Variants in GREM1 observed in about 807,000 individuals in gnomAD.
GREM1 encodes gremlin 1, DAN family BMP antagonist, also known as gremlin-1.
GREM1 carries 6 observed loss-of-function variants against 13.1 expected under a neutral mutation model. The ratio of observed to expected loss-of-function variants is 0.46; its 90% CI spans 0.25 to 0.91. GREM1 has a LOEUF of 0.91. Among genes scored for constraint, GREM1 ranks in the 40% least tolerant of loss-of-function variants. GREM1 has a pLI of 0.18. For synonymous variants in GREM1, 98 were observed against 93.7 expected, an observed-to-expected ratio of 1.05 and a Z score of -0.27; for missense variants, 185 against 233.9, an observed-to-expected ratio of 0.79 and a Z score of 1.36.
Position 32,733,887 on chromosome 15 carries a change from A to C in GREM1, c.*2642A>C, listed in dbSNP as rs1160918480. The C allele has an allele frequency of 2.1e-5, 5 of 239,980 alleles. No homozygotes were observed. Among genetic ancestry groups the C allele is most frequent in the Admixed American group, 1.7e-4 (3 of 17,498 alleles). The allele number at this position is 239,980 out of a possible 1,614,324, so 14.9% of individuals were successfully genotyped here. A position where few individuals can be genotyped will look rare whatever the true frequency, so the allele number is the denominator to read the frequency against. ...GGAAGTCTGTAAGTTGTTTTTTGTT[A>C]CTGTAGGTCTTCAAAGTTAAGAGTG... is the stretch of plus-strand genomic sequence containing the variant. On this transcript the variant is annotated 3_prime_UTR_variant, in exon 2 of 2. Coordinates refer to ENST00000651154, the MANE Select transcript of GREM1 (RefSeq NM_013372.7).
rs1025610806 is a variant in GREM1, at chr15:32,736,202, T to C, written c.*4957T>C. 1 of 152,200 alleles carries C rather than the reference T, an allele frequency of 6.6e-6. No individual in the cohort carries two copies. The highest frequency in any genetic ancestry group is 6.5e-5 in the Admixed American group (1 of 15,272). The allele number at this position is 152,200 out of a possible 1,614,324, so 9.4% of individuals were successfully genotyped here. A position where few individuals can be genotyped will look rare whatever the true frequency, so the allele number is the denominator to read the frequency against. On this transcript the variant is annotated 3_prime_UTR_variant, in exon 2 of 2. Transcript: ENST00000651154. Reference sequence around the variant, plus strand: ...CTTGCAAGGCTATATTTGACCTGACTGGAAGCTTCCCAGGGTAAAAAACTT... The same window carrying C: ...CTTGCAAGGCTATATTTGACCTGACCGGAAGCTTCCCAGGGTAAAAAACTT...
chr15:32,726,106 T>A (rs950790335), intron 1 of GREM1, among the ~76,000 whole-genome samples: 1 of 152,184 alleles, frequency 6.6e-6, no homozygotes, highest in Non-Finnish European at 1.5e-5. Context: ...TTGTCTTGGC[T>A]ATATGGGCTC....
chr15:32,721,706 A>G (rs1377857911), intron 1 of GREM1, among the ~76,000 whole-genome samples: 2 of 152,118 alleles, frequency 1.3e-5, no homozygotes, highest in Non-Finnish European at 1.5e-5. Flanking sequence ...GTGAGCTGAT[A>G]TCGTGCCAGT....
intron 1 of GREM1, among the ~76,000 whole-genome samples, chr15:32,728,521 A>T (rs1169104792): frequency 7.5e-6 from 1 of 132,848 alleles, no homozygotes; most frequent in Admixed American, 7.6e-5. Context: ...TAATTATTTT[A>T]ATTTGACATT....
intron 1 of GREM1, among the ~76,000 whole-genome samples, chr15:32,726,852 A>G (rs888072255): frequency 6.6e-6 from 1 of 152,178 alleles, no homozygotes; most frequent in East Asian, 1.9e-4. Flanking sequence ...CAGAAATACA[A>G]ACTACCATCA....
intron 1 of GREM1, among the ~76,000 whole-genome samples, chr15:32,719,665 C>A (rs1056411366): frequency 5.3e-5 from 8 of 152,114 alleles, no homozygotes; most frequent in Admixed American, 3.9e-4. Context: ...GGTGCCAGGA[C>A]ACGAACTGAT....
chr15:32,718,291 G>A (rs1443174709), intron 1 of GREM1, 130 bp downstream of exon 1: 1 of 687,578 alleles, frequency 1.5e-6, no homozygotes, highest in Non-Finnish European at 2.4e-6. Flanking sequence ...TTGTTCGCGG[G>A]GGTGAATTGT....
At position 32,741,733 on chromosome 15, in the gene GREM1, A is replaced by T. The variant is rs1281047921; in HGVS notation, c.*10488A>T. On this transcript the variant is annotated 3_prime_UTR_variant, in exon 2 of 2. Transcript: ENST00000651154. Reference sequence around the variant, plus strand: ...TTGAATAGAAGTGATGAGAGTGGGCATGTATGCCTTGTTTCTGGTCTTAAA... The same window carrying T: ...TTGAATAGAAGTGATGAGAGTGGGCTTGTATGCCTTGTTTCTGGTCTTAAA... The T allele has an allele frequency of 6.6e-6, 1 of 152,202 alleles. No individual in the cohort carries two copies. The highest frequency in any genetic ancestry group is 2.4e-5 in the African/African-American group (1 of 41,462). 9.4% of individuals were successfully genotyped at this position (152,202 alleles called of 1,614,324 possible). A position where few individuals can be genotyped will look rare whatever the true frequency, so the allele number is the denominator to read the frequency against.
At chr15:32,728,009 T>A (rs1411486488) in intron 1 of GREM1, among the ~76,000 whole-genome samples, 1 of 152,148 alleles carries the variant, frequency 6.6e-6, no homozygotes, top group Non-Finnish European at 1.5e-5. Flanking sequence ...TGGAAAAACA[T>A]TCCATGCTCA....
chr15:32,727,934 T>G (rs1595849403), intron 1 of GREM1, among the ~76,000 whole-genome samples: 1 of 152,208 alleles, frequency 6.6e-6, no homozygotes, highest in African/African-American at 2.4e-5. Context: ...ACAAGGGATG[T>G]GAAGGACCTC....
Position 32,720,301 on chromosome 15 carries a change from A to G in GREM1, c.-2+2140A>G, listed in dbSNP as rs73376930. Among the ~76,000 whole-genome samples, 38,149 of 152,070 alleles carry G rather than the reference A, an allele frequency of 0.25. 5,281 individuals are homozygous for G. The highest frequency in any genetic ancestry group is 0.49 in the East Asian group (2,522 of 5,168). On this transcript the variant is annotated intron_variant, in intron 1 of 1. Transcript: ENST00000651154. Reference sequence around the variant, plus strand: ...AGGATAAAAACCTTTTATGTCCTACATCTCTGAATGAGGGCTGCCTACCCT... The same window carrying G: ...AGGATAAAAACCTTTTATGTCCTACGTCTCTGAATGAGGGCTGCCTACCCT...
At chr15:32,723,093 C>G (rs2055437087) in intron 1 of GREM1, among the ~76,000 whole-genome samples, 1 of 152,152 alleles carries the variant, frequency 6.6e-6, no homozygotes, top group African/African-American at 2.4e-5. Context: ...TCATAGGAAC[C>G]TAAGTCTGGA....
chr15:32,731,047 C>G lies in GREM1; in HGVS notation c.357C>G (p.Tyr119Ter), dbSNP rs34096580. ...NSRTIINRFC[Y>*]GQCNSFYIPR... ...GCACCATCATCAACCGCTTCTGTTA[C>G]GGCCAGTGCAACTCTTTCTACATCC... Residue 119 changes from tyrosine to a stop codon, truncating the protein, a stop_gained, in exon 2 of 2, where the codon TAC becomes TAG. Transcript: ENST00000651154. LOFTEE classifies it high-confidence loss of function. 1.2e-6 allele frequency: 2 copies of G among 1,614,072 alleles called. No individual in the cohort carries two copies. The highest frequency in any genetic ancestry group is 1.3e-5 in the African/African-American group (1 of 74,930).
At position 32,742,778 on chromosome 15, in the gene GREM1, T is replaced by C. The variant is rs1595859166; in HGVS notation, c.*11533T>C. 6.6e-6 allele frequency: 1 copy of C among 152,268 alleles called. No individual in the cohort carries two copies. The highest frequency in any genetic ancestry group is 2.1e-4 in the South Asian group (1 of 4,830). The allele number at this position is 152,268 out of a possible 1,614,324, so 9.4% of individuals were successfully genotyped here. On this transcript the variant is annotated 3_prime_UTR_variant, in exon 2 of 2. Transcript: ENST00000651154. The stretch of plus-strand genomic sequence containing the variant: ...TGCCAAGCATACTCAGTGGGAGAAA[T>C]GATAATCTCTTCAACAAATGGTGTT...
At chr15:32,726,327 C>T (rs1474251453) in intron 1 of GREM1, among the ~76,000 whole-genome samples, 1 of 152,068 alleles carries the variant, frequency 6.6e-6, no homozygotes, top group Non-Finnish European at 1.5e-5. Flanking sequence ...AATTAGAACT[C>T]AGGATTAAGA....
rs1169432313 is a variant in GREM1 at position 32,726,542 on chromosome 15, G to A, written c.-1-4148G>A. 4.6e-5 allele frequency among the ~76,000 whole-genome samples: 7 copies of A among 152,076 alleles called. No homozygotes were observed. The East Asian group carries it at 5.8e-4, about 13-fold the overall frequency. ...GCACTAAATGCCCACAGGAGAAAGCGGGACAGATCTAAAATCGACACCCTA... is the reference window on the plus strand; with the variant it reads ...GCACTAAATGCCCACAGGAGAAAGCAGGACAGATCTAAAATCGACACCCTA... On this transcript the variant is annotated intron_variant, in intron 1 of 1. Coordinates refer to ENST00000651154, the MANE Select transcript of GREM1 (RefSeq NM_013372.7).
intron 1 of GREM1, among the ~76,000 whole-genome samples, chr15:32,719,913 A>T (rs1311190920): frequency 2.6e-5 from 4 of 152,134 alleles, no homozygotes; most frequent in African/African-American, 7.2e-5. Flanking sequence ...GTACTTTTCA[A>T]AGCAAGGAGG....
rs543437774 is a variant in GREM1 at position 32,718,231 on chromosome 15, C to T, written c.-2+70C>T. ...AGAGGGCCGCAAACCAACCCAGGAC[C>T]CGCTCAGTTCCACGCGCGGCAGCCC... On this transcript the variant is annotated intron_variant, in intron 1 of 1. Transcript: ENST00000651154. 34 of 1,189,778 alleles carry T rather than the reference C, an allele frequency of 2.9e-5. No homozygotes were observed. In the African/African-American group the frequency reaches 4.4e-4, roughly 15 times the overall value. 73.7% of individuals were successfully genotyped at this position (1,189,778 alleles called of 1,614,324 possible). A position where few individuals can be genotyped will look rare whatever the true frequency, so the allele number is the denominator to read the frequency against.
At chr15:32,721,418 T>G (rs1192921947) in intron 1 of GREM1, among the ~76,000 whole-genome samples, 1 of 152,164 alleles carries the variant, frequency 6.6e-6, no homozygotes, top group African/African-American at 2.4e-5. Flanking sequence ...AGTAGCAATG[T>G]TATACAGAAC....
Sources: gnomAD v4.1 joint callset for allele counts (sites outside exome capture counted in the v4.1 genomes callset) on GRCh38, gnomAD v4.1.1 for gene constraint, MANE v1.5 for transcripts, NCBI Gene and HGNC (gene_info 2026-07-23, HGNC 2026-07-21) for gene names.